VWA3B: variants seen among roughly 807,000 people sequenced by gnomAD.
The protein encoded by VWA3B is von Willebrand factor A domain containing 3B.
Under a neutral mutation model 158.3 loss-of-function variants are expected in VWA3B, and 138 were observed. That is an observed-to-expected ratio of 0.87 (90% CI 0.76 to 1.00). The LOEUF (loss-of-function observed/expected upper bound fraction) is 1.00. Among genes scored for constraint, VWA3B ranks in the 50% least tolerant of loss-of-function variants. The pLI, the probability that VWA3B is intolerant of heterozygous loss-of-function variation, is 0.00. For missense variants in VWA3B, 1,555 were observed against 1,565.1 expected (o/e 0.99, Z 0.11); for synonymous variants, 596 against 587.3 (o/e 1.01, Z -0.21).
intron 7 of VWA3B, among the ~76,000 whole-genome samples, chr2:98,142,471 T>C (rs1281566097): frequency 6.6e-6 from 1 of 152,052 alleles, no homozygotes; most frequent in Non-Finnish European, 1.5e-5. Context: ...CTCCTAGGGG[T>C]TCAGGCTTAA....
At chr2:98,218,750 G>A (rs755249724) in intron 14 of VWA3B, among the ~76,000 whole-genome samples, 4 of 152,180 alleles carry the variant, frequency 2.6e-5, no homozygotes, top group Non-Finnish European at 5.9e-5. Context: ...TCAGTGGGTA[G>A]CAGGACAAGT....
At chr2:98,175,884 C>T (rs896158222) in intron 8 of VWA3B, among the ~76,000 whole-genome samples, 1 of 152,198 alleles carries the variant, frequency 6.6e-6, no homozygotes, top group African/African-American at 2.4e-5. Context: ...ATTCCCTCCT[C>T]CCCATTTCTT....
At chr2:98,256,240 AT>A in intron 21 of VWA3B, 66 bp downstream of exon 21, 1 of 1,552,110 alleles carries the variant, frequency 6.4e-7, no homozygotes, top group Non-Finnish European at 8.8e-7. Context: ...AAAATTAACC[AT>A]TTTAAAGTGT....
intron 23 of VWA3B, among the ~76,000 whole-genome samples, chr2:98,295,037 TG>T (rs1013171988): frequency 1.3e-5 from 2 of 152,036 alleles, no homozygotes; most frequent in African/African-American, 4.8e-5. Context: ...CCTCCTCTCC[TG>T]GGGAGGAGGG....
chr2:98,145,900 C>T (rs1249036387), intron 7 of VWA3B, among the ~76,000 whole-genome samples: 2 of 151,892 alleles, frequency 1.3e-5, no homozygotes, highest in African/African-American at 4.8e-5. Flanking sequence ...TTTATTTTTG[C>T]AGAGATTAGG....
intron 7 of VWA3B, among the ~76,000 whole-genome samples, chr2:98,134,748 T>C (rs1369439398): frequency 1.3e-5 from 2 of 152,024 alleles, no homozygotes; most frequent in Non-Finnish European, 2.9e-5. Flanking sequence ...GGCTACTCTT[T>C]AGGGATAAGA....
chr2:98,113,856 G>A (rs369609696), intron 2 of VWA3B, among the ~76,000 whole-genome samples: 1 of 151,928 alleles, frequency 6.6e-6, no homozygotes, highest in Non-Finnish European at 1.5e-5. Context: ...TCCTTTTTGC[G>A]ACCATATGTA....
At chr2:98,180,987 T>G (rs1680523049) in intron 8 of VWA3B, 29 bp from the exon 9 acceptor site, 1 of 1,610,682 alleles carries the variant, frequency 6.2e-7, no homozygotes, top group Admixed American at 1.7e-5. Context: ...TCATGCAGTA[T>G]GAATGGCTGA....
chr2:98,193,997 G>A (rs1681818800), intron 11 of VWA3B, among the ~76,000 whole-genome samples: 1 of 152,056 alleles, frequency 6.6e-6, no homozygotes, highest in African/African-American at 2.4e-5. Flanking sequence ...AAATGATGTT[G>A]TTTTAGATTT....
intron 21 of VWA3B, among the ~76,000 whole-genome samples, chr2:98,267,935 T>C (rs1346463723): frequency 6.6e-6 from 1 of 151,658 alleles, no homozygotes; most frequent in Non-Finnish European, 1.5e-5. Flanking sequence ...AACTAGAAAA[T>C]CTAGAAGAAA....
In VWA3B at chr2:98,250,431, T is replaced by C; in HGVS notation, c.2787T>C (p.Tyr929=). ...AAGTGGAACAGGCAATTCAATCCTA[T>C]GAAAAGTGAGTATTACTCTTGGCTG... ...KRKVEQAIQS[Y]EKRLNKIVWR... Residue 929 remains tyrosine (Y), a synonymous_variant, in exon 20 of 28, where the codon TAT becomes TAC. Transcript: ENST00000477737. The C allele has an allele frequency of 1.2e-6, 2 of 1,607,114 alleles. No individual in the cohort carries two copies. The highest frequency in any genetic ancestry group is 1.7e-6 in the Non-Finnish European group (2 of 1,176,676).
chr2:98,202,953 C>T (rs1250270525), intron 12 of VWA3B, among the ~76,000 whole-genome samples: 1 of 152,136 alleles, frequency 6.6e-6, no homozygotes, highest in Non-Finnish European at 1.5e-5. Context: ...CTGCCTCAGC[C>T]TCCAGAGTAG....
chr2:98,175,614 G>A (rs1679949093), intron 8 of VWA3B, among the ~76,000 whole-genome samples: 1 of 152,124 alleles, frequency 6.6e-6, no homozygotes, highest in East Asian at 1.9e-4. Context: ...GTGAACAATG[G>A]GAGTCCCCAA....
At chr2:98,328,167 A>T in the VWA3B span, among the ~76,000 whole-genome samples, 5 of 152,118 alleles carry the variant, frequency 3.3e-5, no homozygotes, top group African/African-American at 1.2e-4. Flanking sequence ...ACTCATGGTG[A>T]TATTTTTTTT....
downstream of VWA3B, among the ~76,000 whole-genome samples, chr2:98,315,620 G>A (rs1691070146): frequency 6.6e-6 from 1 of 152,206 alleles, no homozygotes; most frequent in African/African-American, 2.4e-5. Flanking sequence ...TCCAACTCTA[G>A]GAGTCTACAG....
chr2:98,168,595 A>C (rs1245493389), intron 8 of VWA3B, among the ~76,000 whole-genome samples: 3 of 152,230 alleles, frequency 2.0e-5, no homozygotes, highest in Non-Finnish European at 2.9e-5. Flanking sequence ...AGATATTTAA[A>C]AAGACACATA....
At chr2:98,135,242 T>C (rs1185672233) in intron 7 of VWA3B, among the ~76,000 whole-genome samples, 9 of 150,920 alleles carry the variant, frequency 6.0e-5, no homozygotes, top group African/African-American at 2.2e-4. Context: ...TAAAGGGAAA[T>C]ACAAACTGCA....
chr2:98,208,027 A>G (rs562150677), intron 12 of VWA3B, among the ~76,000 whole-genome samples: 2 of 151,780 alleles, frequency 1.3e-5, no homozygotes, highest in South Asian at 2.1e-4. Context: ...ATTTTGCTTC[A>G]TGTGTTTTGA....
intron 6 of VWA3B, among the ~76,000 whole-genome samples, chr2:98,131,943 G>C (rs532439962): frequency 6.6e-6 from 1 of 152,242 alleles, no homozygotes; most frequent in African/African-American, 2.4e-5. Flanking sequence ...CTGCTCTTAC[G>C]GCACTTTGAA....
Sources: allele counts gnomAD v4.1 joint callset (sites outside exome capture counted in the v4.1 genomes callset), GRCh38; gene constraint gnomAD v4.1.1; transcripts MANE v1.5; gene names NCBI Gene and HGNC (gene_info 2026-07-23, HGNC 2026-07-21).